DNER: variants seen among roughly 807,000 people sequenced by gnomAD.
DNER encodes the protein delta and Notch-like epidermal growth factor-related receptor.
A neutral mutation model predicts 78.2 loss-of-function variants in DNER; 33 were observed. That is an observed-to-expected ratio of 0.42 (90% confidence interval 0.32 to 0.56). The LOEUF is 0.56. Ranked by LOEUF, DNER falls within the 20% of genes least tolerant of loss-of-function variation. DNER has a pLI of 0.11. For missense variants in DNER, 918 were observed against 975.3 expected, an observed-to-expected ratio of 0.94 and a Z score of 0.78; for synonymous variants, 417 against 384.8, an observed-to-expected ratio of 1.08 and a Z score of -0.98.
intron 12 of DNER, among the ~76,000 whole-genome samples, chr2:229,365,832 C>T (rs1468297397): frequency 1.3e-5 from 2 of 152,356 alleles, no homozygotes; most frequent in East Asian, 3.9e-4. Context: ...AGGCACCAAG[C>T]TCAGCCCACT....
intron 8 of DNER, among the ~76,000 whole-genome samples, chr2:229,423,991 C>T (rs13398165): frequency 0.11 from 16,487 of 152,224 alleles, 2,590 homozygotes; most frequent in African/African-American, 0.35. Context: ...AGTCTGCAAA[C>T]GCAGTATTCA....
chr2:229,415,130 C>A (rs1226275324), intron 9 of DNER, among the ~76,000 whole-genome samples: 1 of 151,274 alleles, frequency 6.6e-6, no homozygotes, highest in African/African-American at 2.4e-5. Flanking sequence ...CCATTGCACT[C>A]CAGCCTGGGC....
At chr2:229,676,934 T>A (rs375261343) in intron 1 of DNER, among the ~76,000 whole-genome samples, 80 of 152,262 alleles carry the variant, frequency 5.3e-4, no homozygotes, top group African/African-American at 1.9e-3. Context: ...GGAACGAGTC[T>A]CACTTCCCTG....
chr2:229,437,674 AAGCCAG>A lies in DNER; in HGVS notation c.1486+9636_1486+9641del, dbSNP rs553903100. Among the ~76,000 whole-genome samples, 15 of 152,296 alleles carry A rather than the reference AAGCCAG, an allele frequency of 9.8e-5. No homozygotes were observed. The South Asian group carries it at 2.5e-3, about 25-fold the overall frequency. ...ACATTGACGGCAAATCATTTCCACTAAGCCAGTCTTGTGGGAAGGCGTGCTACTGAA... is the reference window on the plus strand; with the variant it reads ...ACATTGACGGCAAATCATTTCCACTATCTTGTGGGAAGGCGTGCTACTGAA... On this transcript the variant is annotated intron_variant, in intron 8 of 12. Transcript: ENST00000341772.
At chr2:229,684,098 C>T (rs955189296) in intron 1 of DNER, among the ~76,000 whole-genome samples, 2 of 86,968 alleles carry the variant, frequency 2.3e-5, no homozygotes, top group Non-Finnish European at 5.4e-5. Context: ...TAGTACCTAC[C>T]AGAGTGTGTG....
At chr2:229,417,583 C>T (rs566098992) in intron 9 of DNER, among the ~76,000 whole-genome samples, 12 of 151,986 alleles carry the variant, frequency 7.9e-5, no homozygotes, top group Admixed American at 3.3e-4. Context: ...ATAGGGTTCT[C>T]GGGGGGATTT....
intron 1 of DNER, among the ~76,000 whole-genome samples, chr2:229,641,627 T>C (rs1398892286): frequency 6.7e-6 from 1 of 149,788 alleles, no homozygotes; most frequent in Non-Finnish European, 1.5e-5. Context: ...AGAACTACAA[T>C]GTTGGTCCTC....
intron 1 of DNER, among the ~76,000 whole-genome samples, chr2:229,608,463 A>G (rs2154215095): frequency 6.6e-6 from 1 of 152,346 alleles, no homozygotes; most frequent in African/African-American, 2.4e-5. Context: ...TGACATCAAG[A>G]TAGAAAAGAA....
intron 5 of DNER, among the ~76,000 whole-genome samples, chr2:229,533,597 C>G (rs1427069576): frequency 6.6e-6 from 1 of 152,150 alleles, no homozygotes; most frequent in African/African-American, 2.4e-5. Flanking sequence ...ATGTGCGTAC[C>G]AGGCCCTTCT....
intron 8 of DNER, 45 bp downstream of exon 8, chr2:229,447,271 T>G: frequency 1.4e-5 from 21 of 1,512,154 alleles, no homozygotes; most frequent in Non-Finnish European, 1.6e-5. Flanking sequence ...GAGATTGGTT[T>G]GAGATTGAGA....
At position 229,491,161 on chromosome 2, in the gene DNER, T is replaced by A. The variant is rs185602732; in HGVS notation, c.1148-13908A>T. ...TCATAGGTTCTCTCGGGCACTGTGC[T>A]CCGGCTCTTCAAACACGCTGGGCAT... On this transcript the variant is annotated intron_variant, in intron 6 of 12. Transcript: ENST00000341772. Among the ~76,000 whole-genome samples the A allele has an allele frequency of 3.9e-5, 6 of 152,328 alleles. 1 individual carries two copies. Among genetic ancestry groups the A allele is most frequent in the Admixed American group, 2.0e-4 (3 of 15,294 alleles).
At chr2:229,586,916 C>A in intron 3 of DNER, 9 of 985,496 alleles carry the variant, frequency 9.1e-6, no homozygotes, top group Non-Finnish European at 1.1e-5. Flanking sequence ...TGACTAAATT[C>A]ATGAGGAAAT....
chr2:229,569,279 T>C (rs1486216522), intron 4 of DNER, among the ~76,000 whole-genome samples: 1 of 152,130 alleles, frequency 6.6e-6, no homozygotes, highest in African/African-American at 2.4e-5. Context: ...TCCCACCACT[T>C]TGGGAGGCAA....
At chr2:229,471,996 G>C (rs1694934437) in intron 7 of DNER, among the ~76,000 whole-genome samples, 1 of 152,140 alleles carries the variant, frequency 6.6e-6, no homozygotes, top group African/African-American at 2.4e-5. Flanking sequence ...TTGGCTATGA[G>C]AGTTTCCAGA....
intron 5 of DNER, among the ~76,000 whole-genome samples, chr2:229,531,547 C>T (rs1260062935): frequency 6.6e-6 from 1 of 152,140 alleles, no homozygotes; most frequent in Non-Finnish European, 1.5e-5. Flanking sequence ...AGAACACTCG[C>T]ACATTGCTGG....
In DNER at chr2:229,447,299, G is replaced by T. The variant is rs1478230827; in HGVS notation, c.1486+17C>A. 5 of 1,577,142 alleles carry T rather than the reference G, an allele frequency of 3.2e-6. No individual in the cohort carries two copies. In the Admixed American group the frequency reaches 9.1e-5, roughly 29 times the overall value. ...GATTGAGAAAAGGAAGATGTACTGT[G>T]TAGGGGCGGTACCCACCTGGATCAC... is the stretch of plus-strand genomic sequence containing the variant. On this transcript the variant is annotated intron_variant, in intron 8 of 12. Coordinates refer to ENST00000341772, the MANE Select transcript of DNER (RefSeq NM_139072.4).
intron 6 of DNER, among the ~76,000 whole-genome samples, chr2:229,500,331 C>T (rs765349813): frequency 4.6e-5 from 7 of 152,156 alleles, no homozygotes; most frequent in Admixed American, 3.3e-4. Flanking sequence ...ATTAAAACCA[C>T]GATGAGATAT....
chr2:229,434,352 T>C (rs905476782), intron 8 of DNER, among the ~76,000 whole-genome samples: 1 of 152,140 alleles, frequency 6.6e-6, no homozygotes, highest in African/African-American at 2.4e-5. Context: ...TTAAGAACAG[T>C]TTTAGAAGCA....
intron 8 of DNER, among the ~76,000 whole-genome samples, chr2:229,433,959 A>G (rs1047719493): frequency 4.6e-5 from 7 of 152,226 alleles, no homozygotes; most frequent in African/African-American, 1.7e-4. Flanking sequence ...AAAAGGAAAG[A>G]AAGAAAAAAG....
Sources: allele counts gnomAD v4.1 joint callset (sites outside exome capture counted in the v4.1 genomes callset), GRCh38; gene constraint gnomAD v4.1.1; transcripts MANE v1.5; gene names NCBI Gene and HGNC (gene_info 2026-07-23, HGNC 2026-07-21).